The following ANO10 variants were observed in gnomAD, a reference collection of about 807,000 sequenced individuals.
ANO10 encodes anoctamin-10.
Under a neutral mutation model 74.7 loss-of-function variants are expected in ANO10, and 77 were observed. That is an observed-to-expected ratio of 1.03 (90% CI 0.86 to 1.25). The LOEUF (loss-of-function observed/expected upper bound fraction) is 1.25. Ranked by LOEUF, ANO10 falls within the 50% of genes most tolerant of loss-of-function variation. The pLI, the probability that ANO10 is intolerant of heterozygous loss-of-function variation, is 0.00. For missense variants in ANO10, 721 were observed against 778.1 expected (o/e 0.93, Z 0.87); for synonymous variants, 279 against 284.9 (o/e 0.98, Z 0.21).
intron 8 of ANO10, among the ~76,000 whole-genome samples, chr3:43,561,976 G>A (rs1054333147): frequency 6.6e-6 from 1 of 151,992 alleles, no homozygotes; most frequent in Non-Finnish European, 1.5e-5. Flanking sequence ...CTTTTTTAAA[G>A]AATTTAAATT....
chr3:43,564,110 G>A (rs1164312053), intron 8 of ANO10, among the ~76,000 whole-genome samples: 1 of 151,406 alleles, frequency 6.6e-6, no homozygotes, highest in Non-Finnish European at 1.5e-5. Context: ...ACAGTTCACT[G>A]CAGCCTGGAG....
intron 11 of ANO10, among the ~76,000 whole-genome samples, chr3:43,537,657 C>G (rs2078775759): frequency 6.9e-6 from 1 of 144,862 alleles, no homozygotes; most frequent in East Asian, 2.0e-4. Flanking sequence ...ACACACGTAA[C>G]TAATATACGT....
chr3:43,662,561 C>T (rs1322083357), intron 1 of ANO10, among the ~76,000 whole-genome samples: 3 of 151,884 alleles, frequency 2.0e-5, no homozygotes, highest in Non-Finnish European at 4.4e-5. Context: ...ACTAAGATCA[C>T]AGCAGAACTG....
At chr3:43,458,407 C>G (rs73831299) in intron 11 of ANO10, among the ~76,000 whole-genome samples, 6,062 of 152,230 alleles carry the variant, frequency 0.04, 370 homozygotes, top group African/African-American at 0.14. Context: ...ATAAGACCAC[C>G]TTGCCCTGCA....
chr3:43,445,014 TCCG>T (rs2093222543), intron 11 of ANO10, among the ~76,000 whole-genome samples: 1 of 150,688 alleles, frequency 6.6e-6, no homozygotes, highest in African/African-American at 2.4e-5. Context: ...TCCCAGCTAC[TCCG>T]TGGGCTGAGG....
chr3:43,634,683 G>A (rs2149560583), intron 1 of ANO10, among the ~76,000 whole-genome samples: 1 of 152,182 alleles, frequency 6.6e-6, no homozygotes, highest in South Asian at 2.1e-4. Flanking sequence ...TTCCCATCTG[G>A]TGACCATCCT....
chr3:43,583,899 G>T (rs989795078), intron 4 of ANO10, among the ~76,000 whole-genome samples: 7 of 152,196 alleles, frequency 4.6e-5, no homozygotes, highest in African/African-American at 1.7e-4. Context: ...ATATGTGCCA[G>T]GTGGTCCCAT....
intron 4 of ANO10, among the ~76,000 whole-genome samples, chr3:43,592,524 G>A (rs1263905704): frequency 6.6e-6 from 1 of 152,236 alleles, no homozygotes; most frequent in African/African-American, 2.4e-5. Context: ...CAGCAGACCT[G>A]CAGCTGAGGG....
At chr3:43,562,141 C>T (rs1390983807) in intron 8 of ANO10, among the ~76,000 whole-genome samples, 3 of 151,912 alleles carry the variant, frequency 2.0e-5, no homozygotes, top group Non-Finnish European at 2.9e-5. Flanking sequence ...GAGGCCAAGG[C>T]GGGCAGATCA....
At chr3:43,377,630 A>T (rs2091845858) in intron 12 of ANO10, among the ~76,000 whole-genome samples, 1 of 152,188 alleles carries the variant, frequency 6.6e-6, no homozygotes, top group Non-Finnish European at 1.5e-5. Context: ...GCCAGCCCTC[A>T]TCTTTGATCT....
intron 12 of ANO10, among the ~76,000 whole-genome samples, chr3:43,411,077 A>T (rs2092657410): frequency 6.6e-6 from 1 of 152,018 alleles, no homozygotes. Context: ...TGTGCATTGA[A>T]AACCAAATTA....
At chr3:43,615,562 G>A (rs2083055858) in intron 1 of ANO10, among the ~76,000 whole-genome samples, 1 of 151,908 alleles carries the variant, frequency 6.6e-6, no homozygotes, top group Non-Finnish European at 1.5e-5. Flanking sequence ...TTGTAAAATA[G>A]TATAGAAGCC....
chr3:43,669,891 A>G (rs1264771444), intron 1 of ANO10, among the ~76,000 whole-genome samples: 2 of 151,912 alleles, frequency 1.3e-5, no homozygotes, highest in African/African-American at 4.8e-5. Flanking sequence ...ACGCCTGGCT[A>G]ATTTTTGTAT....
chr3:43,580,287 C>G, intron 5 of ANO10, 66 bp downstream of exon 5: 1 of 1,606,050 alleles, frequency 6.2e-7, no homozygotes, highest in Non-Finnish European at 8.5e-7. Flanking sequence ...GCTGACTCCA[C>G]TGCTAGATCG....
chr3:43,684,379 A>C (rs1431619715), intron 1 of ANO10, among the ~76,000 whole-genome samples: 1 of 152,244 alleles, frequency 6.6e-6, no homozygotes, highest in Non-Finnish European at 1.5e-5. Context: ...AGCTAAAATG[A>C]AATACCATCT....
intron 2 of ANO10, among the ~76,000 whole-genome samples, chr3:43,601,439 C>T (rs2082333562): frequency 6.6e-6 from 1 of 152,194 alleles, no homozygotes. Context: ...TCAAGAGATT[C>T]ACCCGCTTTG....
chr3:43,417,315 G>A (rs565037658), intron 12 of ANO10, among the ~76,000 whole-genome samples: 47 of 152,250 alleles, frequency 3.1e-4, no homozygotes, highest in African/African-American at 1.0e-3. Flanking sequence ...ACAAGATGGC[G>A]CTGGCCAAGG....
chr3:43,534,881 T>A (rs1364282765), intron 11 of ANO10, among the ~76,000 whole-genome samples: 1 of 152,192 alleles, frequency 6.6e-6, no homozygotes, highest in Non-Finnish European at 1.5e-5. Context: ...TAGCAGCCCA[T>A]GAACAAGAGA....
At chr3:43,580,895 T>G (rs553120255) in intron 4 of ANO10, among the ~76,000 whole-genome samples, 64 of 152,312 alleles carry the variant, frequency 4.2e-4, no homozygotes, top group Non-Finnish European at 8.7e-4. Flanking sequence ...CAGTGAATAT[T>G]TTTTGATGCC....
Sources: gnomAD v4.1 joint callset for allele counts (sites outside exome capture counted in the v4.1 genomes callset) on GRCh38, gnomAD v4.1.1 for gene constraint, MANE v1.5 for transcripts, NCBI Gene and HGNC (gene_info 2026-07-23, HGNC 2026-07-21) for gene names.